Variants in CHRNB1 observed in about 807,000 individuals in gnomAD.
The protein encoded by CHRNB1 is acetylcholine receptor subunit beta.
Under a neutral mutation model 53.8 loss-of-function variants are expected in CHRNB1, and 47 were observed. The observed-to-expected ratio is 0.87, with a 90% CI of 0.69 to 1.11. The LOEUF is 1.11. CHRNB1 is among the 50% of genes most tolerant of loss of function. The pLI is 0.00. For missense variants in CHRNB1, 605 were observed against 654.9 expected (o/e 0.92, Z 0.83); for synonymous variants, 259 against 263.5 (o/e 0.98, Z 0.16).
In CHRNB1 at chr17:7,455,827, G is replaced by T; in HGVS notation, c.1251G>T (p.Arg417=). ...CTGAACTGTCTGCCCCTGATCTGCG[G>T]CGATTTATCGATGGTCCAAACCGGG... ...FQPELSAPDL[R]RFIDGPNRAV... is the part of the protein sequence containing the mutation. Residue 417 remains arginine (R), a synonymous_variant, in exon 10 of 11, where the codon CGG becomes CGT. Coordinates refer to ENST00000306071, the MANE Select transcript of CHRNB1 (RefSeq NM_000747.3). 7 of 1,614,126 alleles carry T rather than the reference G, an allele frequency of 4.3e-6. No individual in the cohort carries two copies. The highest frequency in any genetic ancestry group is 3.3e-5 in the Admixed American group (2 of 60,004).
chr17:7,456,802 G>C lies in CHRNB1; in HGVS notation c.*79G>C. On this transcript the variant is annotated 3_prime_UTR_variant, in exon 11 of 11. Coordinates refer to ENST00000306071, the MANE Select transcript of CHRNB1 (RefSeq NM_000747.3). ...ATACTGTCAAGCCCTATCCTTCTCT[G>C]CCTCTTAACTCCTTCACGAGGAATC... 6.4e-7 allele frequency: 1 copy of C among 1,572,954 alleles called. No homozygotes were observed. The highest frequency in any genetic ancestry group is 8.7e-7 in the Non-Finnish European group (1 of 1,145,642).
rs1372766543 is a variant in CHRNB1, at chr17:7,457,681, C to A, written c.*958C>A. On this transcript the variant is annotated 3_prime_UTR_variant, in exon 11 of 11. Coordinates refer to ENST00000306071, the MANE Select transcript of CHRNB1 (RefSeq NM_000747.3). ...TATTATGTTTTGTAATGTGTACTAT[C>A]TCTGGGATTAAAAAAAGTTATTTCT... 3 of 151,484 alleles carry A rather than the reference C, an allele frequency of 2.0e-5. No individual in the cohort carries two copies. Among genetic ancestry groups the A allele is most frequent in the Non-Finnish European group, 2.9e-5 (2 of 67,910 alleles). The allele number at this position is 151,484 out of a possible 1,614,324, so 9.4% of individuals were successfully genotyped here.
intron 7 of CHRNB1, among the ~76,000 whole-genome samples, chr17:7,453,461 A>C (rs1597753803): frequency 6.6e-6 from 1 of 152,178 alleles, no homozygotes; most frequent in East Asian, 1.9e-4. Context: ...TTAGACATCC[A>C]ACTATCCAAG....
In CHRNB1 at chr17:7,448,903, C is replaced by T. The variant is rs73233971; in HGVS notation, c.820+115C>T. ...CAAAGCATCATAGATTGGGCTTCAG[C>T]AATCCCGCCCAGGCTCTGCCTCCCG... On this transcript the variant is annotated intron_variant, in intron 7 of 10. Coordinates refer to ENST00000306071, the MANE Select transcript of CHRNB1 (RefSeq NM_000747.3). 13,379 of 1,097,780 alleles carry T rather than the reference C, an allele frequency of 0.012. 1,073 individuals are homozygous for T. In the African/African-American group the frequency reaches 0.18, roughly 15 times the overall value. 68.0% of individuals were successfully genotyped at this position (1,097,780 alleles called of 1,614,324 possible).
At position 7,445,840 on chromosome 17, in the gene CHRNB1, G is replaced by A. The variant is rs1908584522; in HGVS notation, c.199-229G>A. 1.1e-5 allele frequency: 7 copies of A among 625,642 alleles called. No homozygotes were observed. Among genetic ancestry groups the A allele is most frequent in the Non-Finnish European group, 2.0e-5 (7 of 354,636 alleles). 38.8% of individuals were successfully genotyped at this position (625,642 alleles called of 1,614,324 possible). ...ACAGAGCTAGGCGGAGGGCTAGGCA[G>A]GGGCGGGTCTGGTAGGTTGATAGGC... On this transcript the variant is annotated intron_variant, in intron 2 of 10. Coordinates refer to ENST00000306071, the MANE Select transcript of CHRNB1 (RefSeq NM_000747.3). This position sits in a 1 kb window ranked among gnomAD's most constrained non-coding sequence, Gnocchi z 5.7.
rs1379824971 is a variant in CHRNB1 at position 7,446,309 on chromosome 17, GTGTGTGTGTGTGTGTGTC to G, written c.243+214_243+231del. On this transcript the variant is annotated intron_variant, in intron 3 of 10. Transcript: ENST00000306071. The stretch of plus-strand genomic sequence containing the variant: ...TGCATTTTTAATTCCAATTTTGTGT[GTGTGTGTGTGTGTGTGTC>G]TGTGTGTGTGTGTGTGTGTGTGTGT... 1,988 of 397,794 alleles carry G rather than the reference GTGTGTGTGTGTGTGTGTC, an allele frequency of 5.0e-3. 42 individuals are homozygous for G. The African/African-American group carries it at 0.076, about 15-fold the overall frequency. The allele number at this position is 397,794 out of a possible 1,614,324, so 24.6% of individuals were successfully genotyped here.
Position 7,448,754 on chromosome 17 carries a change from G to C in CHRNB1, c.786G>C (p.Leu262=), listed in dbSNP as rs569544988. 2 of 1,614,174 alleles carry C rather than the reference G, an allele frequency of 1.2e-6. No individual in the cohort carries two copies. The highest frequency in any genetic ancestry group is 4.5e-5 in the East Asian group (2 of 44,888). ...VIAPCILITL[L]AIFVFYLPPD... is the part of the protein sequence containing the mutation. ...CCCCATGCATCCTCATCACTCTTCT[G>C]GCCATCTTCGTCTTCTACCTGCCAC... The change falls in exon 7 of 11, where the codon CTG becomes CTC. Residue 262 remains leucine (L), a synonymous_variant. Transcript: ENST00000306071.
chr17:7,451,936 A>G lies in CHRNB1; in HGVS notation c.821-2361A>G, dbSNP rs1008385867. 3.9e-4 allele frequency among the ~76,000 whole-genome samples: 60 copies of G among 152,148 alleles called. 1 individual carries two copies. Among genetic ancestry groups the G allele is most frequent in the Non-Finnish European group, 2.9e-5 (2 of 68,018 alleles). On this transcript the variant is annotated intron_variant, in intron 7 of 10. Transcript: ENST00000306071. ...CGCCACCCACACCAGGCTGTCCTAG[A>G]GGGCCACCCCAGCCCTGGAAGCCCC...
chr17:7,449,765 C>A (rs1057206189), intron 7 of CHRNB1, among the ~76,000 whole-genome samples: 1 of 151,646 alleles, frequency 6.6e-6, no homozygotes, highest in Admixed American at 6.6e-5. Flanking sequence ...GTAATAGCCA[C>A]CGGGCGCGGT....
intron 7 of CHRNB1, among the ~76,000 whole-genome samples, chr17:7,452,573 C>T (rs902124246): frequency 2.0e-5 from 3 of 152,230 alleles, no homozygotes; most frequent in Non-Finnish European, 4.4e-5. Context: ...TGCAGCTTTC[C>T]ATAAGACATA....
At chr17:7,448,861 G>A in intron 7 of CHRNB1, 73 bp downstream of exon 7, 1 of 1,516,850 alleles carries the variant, frequency 6.6e-7, no homozygotes, top group Non-Finnish European at 9.1e-7. Flanking sequence ...AATCCAGGCA[G>A]GGTTTTCCTG....
intron 10 of CHRNB1, 68 bp downstream of exon 10, chr17:7,456,009 C>G (rs1409339418): frequency 7.1e-7 from 1 of 1,406,974 alleles, no homozygotes; most frequent in African/African-American, 1.4e-5. Context: ...AATTCCGCAC[C>G]AGCACTCGCT....
intron 3 of CHRNB1, 164 bp from the exon 4 acceptor site, chr17:7,446,669 C>G (rs940085428): frequency 8.0e-6 from 5 of 622,854 alleles, no homozygotes; most frequent in South Asian, 5.6e-5. Flanking sequence ...ATGTGGATCC[C>G]AGCGAGTGAA....
chr17:7,446,873 A>C lies in CHRNB1; in HGVS notation c.284A>C (p.His95Pro), dbSNP rs1597748945. 6.2e-7 allele frequency: 1 copy of C among 1,613,982 alleles called. No individual in the cohort carries two copies. The highest frequency in any genetic ancestry group is 8.5e-7 in the Non-Finnish European group (1 of 1,180,014). ...AGGCTGAGCTGGGACCCTGCGGAGC[A>C]CGACGGCATCGATTCGCTCCGCATC... ...DYRLSWDPAE[H>P]DGIDSLRITA... The change falls in exon 4 of 11, where the codon CAC becomes CCC. Residue 95 changes from histidine (H) to proline (P), a missense_variant. Physicochemically the swap from His to Pro is moderately conservative, Grantham distance 77 (BLOSUM62 -2). Transcript: ENST00000306071.
At chr17:7,456,561 A>C (rs1404160952) in intron 10 of CHRNB1, 22 bp from the exon 11 acceptor site, 1 of 1,613,842 alleles carries the variant, frequency 6.2e-7, no homozygotes, top group Non-Finnish European at 8.5e-7. Flanking sequence ...GAGCTCAGGA[A>C]GTTTCCTTTG....
At chr17:7,446,499 A>G in intron 3 of CHRNB1, 1 of 513,114 alleles carries the variant, frequency 1.9e-6, no homozygotes, top group Non-Finnish European at 3.5e-6. Flanking sequence ...GGCCCATTCT[A>G]ATTTTTGAAA....
chr17:7,447,424 G>A, intron 5 of CHRNB1, 79 bp from the exon 6 acceptor site: 2 of 1,533,244 alleles, frequency 1.3e-6, no homozygotes, highest in Admixed American at 1.7e-5. Context: ...CCTTCTCTGT[G>A]CCCTCCCCAA....
Position 7,447,120 on chromosome 17 carries a change from C to CG in CHRNB1, c.434dup (p.Ile146HisfsTer43). 1 of 1,614,102 alleles carries CG rather than the reference C, an allele frequency of 6.2e-7. No individual in the cohort carries two copies. Among genetic ancestry groups the CG allele is most frequent in the Non-Finnish European group, 8.5e-7 (1 of 1,180,010 alleles). On this transcript the variant is annotated frameshift_variant, in exon 5 of 11. Coordinates refer to ENST00000306071, the MANE Select transcript of CHRNB1 (RefSeq NM_000747.3). LOFTEE classifies it high-confidence loss of function. ...GACGGCTCCGTGCGTTGGCAACCCC[C>CG]GGGCATCTATCGCAGCAGCTGCAGC...
Position 7,449,402 on chromosome 17 carries a change from CTTTT to C in CHRNB1, c.820+634_820+637del, listed in dbSNP as rs769505757. On this transcript the variant is annotated intron_variant, in intron 7 of 10. Coordinates refer to ENST00000306071, the MANE Select transcript of CHRNB1 (RefSeq NM_000747.3). Reference sequence around the variant, plus strand: ...ACAGTCGTGAGCCACAGGGCCCGACCTTTTTTTTTTTTTTTTTTTTTTTGAGACA... The same window carrying C: ...ACAGTCGTGAGCCACAGGGCCCGACCTTTTTTTTTTTTTTTTTTTGAGACA... 1.1e-4 allele frequency among the ~76,000 whole-genome samples: 10 copies of C among 89,104 alleles called. No homozygotes were observed. In the East Asian group the frequency reaches 3.4e-3, roughly 30 times the overall value. The allele number at this position is 89,104 out of a possible 152,430, so 58.5% of individuals were successfully genotyped here. A position where few individuals can be genotyped will look rare whatever the true frequency, so the allele number is the denominator to read the frequency against.
Sources: allele counts gnomAD v4.1 joint callset (sites outside exome capture counted in the v4.1 genomes callset), GRCh38; gene constraint gnomAD v4.1.1; non-coding constraint Gnocchi (gnomAD v3.1); transcripts MANE v1.5; gene names NCBI Gene and HGNC (gene_info 2026-07-23, HGNC 2026-07-21).